The following ZFPM2 variants were observed in gnomAD, a reference collection of about 807,000 sequenced individuals.
The protein encoded by ZFPM2 is zinc finger protein, FOG family member 2, also known as zinc finger protein ZFPM2.
Under a neutral mutation model 98.6 loss-of-function variants are expected in ZFPM2, and 20 were observed. The ratio of observed to expected loss-of-function variants is 0.20; its 90% confidence interval spans 0.14 to 0.29. The LOEUF is 0.29. ZFPM2 is among the 10% of genes least tolerant of loss of function. ZFPM2 has a pLI of 1.00. For missense variants in ZFPM2, 1,310 were observed against 1,388.6 expected, an observed-to-expected ratio of 0.94 and a Z score of 0.90; for synonymous variants, 518 against 502.7, an observed-to-expected ratio of 1.03 and a Z score of -0.41.
chr8:105,501,022 A>G (rs1298754777), intron 3 of ZFPM2, among the ~76,000 whole-genome samples: 1 of 152,196 alleles, frequency 6.6e-6, no homozygotes, highest in Non-Finnish European at 1.5e-5. Context: ...TTTAAATACA[A>G]ATTATCAAAT....
chr8:105,444,229 AAG>A (rs1812321255), intron 2 of ZFPM2, 49 bp from the exon 3 acceptor site: 1 of 1,446,520 alleles, frequency 6.9e-7, no homozygotes, highest in Admixed American at 1.9e-5. Flanking sequence ...GTGAATGTGA[AAG>A]AGAGAGCTTT....
At chr8:105,527,491 GTTTTGT>G (rs1814199603) in intron 3 of ZFPM2, among the ~76,000 whole-genome samples, 2 of 152,202 alleles carry the variant, frequency 1.3e-5, no homozygotes, top group African/African-American at 4.8e-5. Flanking sequence ...AAAGGGCAGA[GTTTTGT>G]TTTAAGTTGT....
chr8:105,776,560 C>T (rs1317265471), intron 5 of ZFPM2, among the ~76,000 whole-genome samples: 2 of 152,146 alleles, frequency 1.3e-5, no homozygotes, highest in African/African-American at 2.4e-5. Context: ...GATATGTATA[C>T]TTGAAGAGTT....
chr8:105,339,330 A>G (rs1347196805), intron 1 of ZFPM2, among the ~76,000 whole-genome samples: 6 of 151,808 alleles, frequency 4.0e-5, no homozygotes, highest in Non-Finnish European at 8.8e-5. Flanking sequence ...CACCAATAGC[A>G]TGAAAAATCT....
chr8:105,744,041 A>G (rs1201624862), intron 5 of ZFPM2, among the ~76,000 whole-genome samples: 1 of 152,128 alleles, frequency 6.6e-6, no homozygotes, highest in Admixed American at 6.6e-5. Context: ...GTAAACCTTA[A>G]ATCTTAAAAA....
chr8:105,471,211 C>T (rs764068237), intron 3 of ZFPM2, among the ~76,000 whole-genome samples: 3 of 152,154 alleles, frequency 2.0e-5, no homozygotes, highest in African/African-American at 4.8e-5. Context: ...GTCTCAGCTT[C>T]AGGACGGAGT....
At chr8:105,737,898 T>C (rs1054364703) in intron 5 of ZFPM2, 3 of 152,028 alleles carry the variant, frequency 2.0e-5, no homozygotes, top group Non-Finnish European at 4.4e-5. Flanking sequence ...GGTGCTTTCT[T>C]ATAATGGGAG....
At chr8:105,790,171 C>T (rs1313003697) in intron 6 of ZFPM2, among the ~76,000 whole-genome samples, 1 of 151,200 alleles carries the variant, frequency 6.6e-6, no homozygotes, top group African/African-American at 2.4e-5. Context: ...ATGCCTATGT[C>T]CTGAATGGTA....
intron 5 of ZFPM2, among the ~76,000 whole-genome samples, chr8:105,641,074 G>T (rs572045028): frequency 6.6e-6 from 1 of 152,028 alleles, no homozygotes; most frequent in South Asian, 2.1e-4. Flanking sequence ...AGGTACTAAG[G>T]TTATTATCTG....
At chr8:105,499,509 G>A (rs903893238) in intron 3 of ZFPM2, among the ~76,000 whole-genome samples, 2 of 152,210 alleles carry the variant, frequency 1.3e-5, no homozygotes, top group Non-Finnish European at 2.9e-5. Flanking sequence ...CAGGCAGTGA[G>A]TGTAATAGAT....
At chr8:105,506,251 C>T (rs1055236548) in intron 3 of ZFPM2, among the ~76,000 whole-genome samples, 4 of 152,122 alleles carry the variant, frequency 2.6e-5, no homozygotes, top group Admixed American at 2.0e-4. Flanking sequence ...ACTCAACCTA[C>T]TCCACTGAAA....
chr8:105,616,340 A>C (rs1258195071), intron 4 of ZFPM2, among the ~76,000 whole-genome samples: 1 of 152,150 alleles, frequency 6.6e-6, no homozygotes, highest in Non-Finnish European at 1.5e-5. Context: ...TTTAGTTGCC[A>C]TTAAAATCTT....
chr8:105,390,365 G>A (rs1292365320), intron 1 of ZFPM2, among the ~76,000 whole-genome samples: 1 of 152,154 alleles, frequency 6.6e-6, no homozygotes, highest in East Asian at 1.9e-4. Flanking sequence ...ACCTCCTAAT[G>A]AGACATACCT....
chr8:105,719,973 A>G (rs1811618806), intron 5 of ZFPM2, among the ~76,000 whole-genome samples: 2 of 151,962 alleles, frequency 1.3e-5, no homozygotes, highest in Admixed American at 1.3e-4. Flanking sequence ...AAATAATGGT[A>G]TCAAGTTTAA....
intron 5 of ZFPM2, among the ~76,000 whole-genome samples, chr8:105,718,078 G>A (rs534369886): frequency 1.3e-5 from 2 of 151,958 alleles, no homozygotes; most frequent in South Asian, 4.2e-4. Flanking sequence ...TAAAATAAGT[G>A]AGGTCCAAAA....
At chr8:105,587,439 C>T (rs1248320360) in intron 4 of ZFPM2, among the ~76,000 whole-genome samples, 1 of 152,118 alleles carries the variant, frequency 6.6e-6, no homozygotes, top group East Asian at 1.9e-4. Context: ...AAAGTGTAGA[C>T]ATTTTACTAT....
intron 3 of ZFPM2, among the ~76,000 whole-genome samples, chr8:105,544,323 G>T (rs1427053975): frequency 6.6e-6 from 1 of 152,030 alleles, no homozygotes; most frequent in Non-Finnish European, 1.5e-5. Flanking sequence ...CATGAGGTCA[G>T]GTGCGCATTG....
intron 1 of ZFPM2, among the ~76,000 whole-genome samples, chr8:105,404,159 C>T (rs1029342754): frequency 6.6e-6 from 1 of 152,074 alleles, no homozygotes; most frequent in Non-Finnish European, 1.5e-5. Flanking sequence ...TGCTTCTTTC[C>T]AGAGCTGAGA....
chr8:105,750,372 AC>A (rs1410438965), intron 5 of ZFPM2, among the ~76,000 whole-genome samples: 1 of 152,096 alleles, frequency 6.6e-6, no homozygotes, highest in African/African-American at 2.4e-5. Context: ...ATAAAATTTA[AC>A]AAGTTAATTA....
Sources: allele counts gnomAD v4.1 joint callset (sites outside exome capture counted in the v4.1 genomes callset), GRCh38; gene constraint gnomAD v4.1.1; transcripts MANE v1.5; gene names NCBI Gene and HGNC (gene_info 2026-07-23, HGNC 2026-07-21).